KCNQ1OT1: variants seen among roughly 807,000 people sequenced by gnomAD.
KCNQ1OT1 encodes KCNQ1 opposite strand/antisense transcript 1.
chr11:2,613,408 C>T lies in KCNQ1OT1; in HGVS notation n.86587G>A, dbSNP rs572105480. 404 of 398,472 alleles carry T rather than the reference C, an allele frequency of 1.0e-3. No individual in the cohort carries two copies. The highest frequency in any genetic ancestry group is 1.6e-3 in the Non-Finnish European group (357 of 226,038). 24.7% of individuals were successfully genotyped at this position (398,472 alleles called of 1,614,324 possible). ...GCCTCCAATTATTTGCCACTGAAAT[C>T]CTTGTTGCTTAACATAGTGCATAGG... On this transcript the variant is annotated non_coding_transcript_exon_variant, in exon 1 of 1. Transcript: ENST00000597346. The surrounding 1 kb of genome is among the most constrained non-coding windows in gnomAD (Gnocchi z 4.8).
At chr11:2,631,498 T>C in exon 1 of KCNQ1OT1, 1 of 350,082 alleles carries the variant, frequency 2.9e-6, no homozygotes, top group Non-Finnish European at 4.8e-6. Flanking sequence ...TTAGGTTGTC[T>C]CTCTGTTCTC....
rs1403037666 is a variant in KCNQ1OT1 at position 2,626,808 on chromosome 11, G to C, written n.73187C>G. On this transcript the variant is annotated non_coding_transcript_exon_variant, in exon 1 of 1. Transcript: ENST00000597346. The surrounding 1 kb of genome is among the most constrained non-coding windows in gnomAD (Gnocchi z 4.0). ...CTTCAAAAGTGCTGAGATTACAGGT[G>C]TAGGCCATTGTACCTGGCCTGTAGT... 2.8e-5 allele frequency: 11 copies of C among 398,618 alleles called. No homozygotes were observed. The highest frequency in any genetic ancestry group is 6.3e-4 in the Middle Eastern group (1 of 1,588). The allele number at this position is 398,618 out of a possible 1,614,324, so 24.7% of individuals were successfully genotyped here. A position where few individuals can be genotyped will look rare whatever the true frequency, so the allele number is the denominator to read the frequency against.
chr11:2,666,539 CTAA>C (rs1850071511), exon 1 of KCNQ1OT1: 1 of 398,686 alleles, frequency 2.5e-6, no homozygotes. Flanking sequence ...CACATCACTA[CTAA>C]TGTCTCCTGA....
chr11:2,623,655 A>T lies in KCNQ1OT1; in HGVS notation n.76340T>A. The T allele has an allele frequency of 2.5e-6, 1 of 398,498 alleles. No homozygotes were observed. Among genetic ancestry groups the T allele is most frequent in the Non-Finnish European group, 4.4e-6 (1 of 226,022 alleles). 24.7% of individuals were successfully genotyped at this position (398,498 alleles called of 1,614,324 possible). A position where few individuals can be genotyped will look rare whatever the true frequency, so the allele number is the denominator to read the frequency against. On this transcript the variant is annotated non_coding_transcript_exon_variant, in exon 1 of 1. Coordinates refer to ENST00000597346, the Ensembl canonical transcript of KCNQ1OT1. The surrounding 1 kb of genome is among the most constrained non-coding windows in gnomAD (Gnocchi z 5.2). ...TCATTGCCTGGATGTACTACAGTTT[A>T]TCTGTCTACTCACCTATGGAAGGAC... is the stretch of plus-strand genomic sequence containing the variant.
exon 1 of KCNQ1OT1, chr11:2,662,659 C>T (rs1412755001): frequency 1.5e-5 from 6 of 406,566 alleles, no homozygotes; most frequent in African/African-American, 2.1e-5. Context: ...TCCCCTGCGA[C>T]ATGTGACTCC....
At chr11:2,686,637 G>A (rs1425264813) in exon 1 of KCNQ1OT1, 4 of 398,548 alleles carry the variant, frequency 1.0e-5, no homozygotes, top group African/African-American at 8.2e-5. Context: ...TCAGGCCCAG[G>A]CTGCACAGAG....
At chr11:2,638,076 G>T (rs1306497175) in exon 1 of KCNQ1OT1, 1 of 152,130 alleles carries the variant, frequency 6.6e-6, no homozygotes, top group African/African-American at 2.4e-5. Flanking sequence ...GTGTGTCTCT[G>T]CACGTGAGAT....
At chr11:2,610,716 C>CTTTT (rs1167505141) in exon 1 of KCNQ1OT1, 62 of 230,110 alleles carry the variant, frequency 2.7e-4, no homozygotes, top group African/African-American at 1.3e-3. Flanking sequence ...TCTTGGTTGG[C>CTTTT]TTTTTTTTTT....
rs1158216764 is a variant in KCNQ1OT1 at position 2,674,500 on chromosome 11, T to G, written n.25495A>C. 1 of 398,490 alleles carries G rather than the reference T, an allele frequency of 2.5e-6. No individual in the cohort carries two copies. The highest frequency in any genetic ancestry group is 2.1e-5 in the African/African-American group (1 of 48,622). 24.7% of individuals were successfully genotyped at this position (398,490 alleles called of 1,614,324 possible). A position where few individuals can be genotyped will look rare whatever the true frequency, so the allele number is the denominator to read the frequency against. On this transcript the variant is annotated non_coding_transcript_exon_variant, in exon 1 of 1. Transcript: ENST00000597346. The surrounding 1 kb of genome is among the most constrained non-coding windows in gnomAD (Gnocchi z 5.9). ...ATGTGTAAGATGGCCCCAGTGTTAC[T>G]AGGCACTAGATGGCACTTGCAAAGC...
chr11:2,649,866 A>C, exon 1 of KCNQ1OT1: 1 of 398,362 alleles, frequency 2.5e-6, no homozygotes, highest in East Asian at 3.6e-5. Context: ...TTCAGGTATT[A>C]TCTTCTTAAA....
chr11:2,685,406 G>A (rs573151151), exon 1 of KCNQ1OT1: 1 of 398,556 alleles, frequency 2.5e-6, no homozygotes, highest in South Asian at 1.3e-4. Flanking sequence ...TGTTTCCATG[G>A]GTCTCCTTCA....
At chr11:2,639,540 A>G (rs1330919130) in exon 1 of KCNQ1OT1, 2 of 152,598 alleles carry the variant, frequency 1.3e-5, no homozygotes, top group African/African-American at 4.8e-5. Context: ...ACTGCTGAAC[A>G]CCAAATGTTG....
rs747187696 is a variant in KCNQ1OT1, at chr11:2,661,948, A to C, written n.38047T>G. ...GGGAGGCCTAACGTGCTGTCCCCAC[A>C]CTTTCTCCTCAGTAAGGAAGAGCCC... is the stretch of plus-strand genomic sequence containing the variant. On this transcript the variant is annotated non_coding_transcript_exon_variant, in exon 1 of 1. Transcript: ENST00000597346. This position sits in a 1 kb window ranked among gnomAD's most constrained non-coding sequence, Gnocchi z 5.9. 1 of 1,614,118 alleles carries C rather than the reference A, an allele frequency of 6.2e-7. No homozygotes were observed. The highest frequency in any genetic ancestry group is 1.1e-5 in the South Asian group (1 of 91,080).
rs569421247 is a variant in KCNQ1OT1, at chr11:2,612,529, C to T, written n.87466G>A. The T allele has an allele frequency of 7.0e-5, 28 of 398,544 alleles. No homozygotes were observed. Among genetic ancestry groups the T allele is most frequent in the African/African-American group, 1.0e-4 (5 of 48,742 alleles). 24.7% of individuals were successfully genotyped at this position (398,544 alleles called of 1,614,324 possible). A position where few individuals can be genotyped will look rare whatever the true frequency, so the allele number is the denominator to read the frequency against. ...TTCTGCCAGGTCAAATTTGCTTAGC[C>T]GCACTAGTGAGTTTTTCACCTAAGT... On this transcript the variant is annotated non_coding_transcript_exon_variant, in exon 1 of 1. Coordinates refer to ENST00000597346, the Ensembl canonical transcript of KCNQ1OT1. The surrounding 1 kb of genome is among the most constrained non-coding windows in gnomAD (Gnocchi z 5.5).
At chr11:2,632,970 T>A (rs1008921399) in exon 1 of KCNQ1OT1, 1 of 398,396 alleles carries the variant, frequency 2.5e-6, no homozygotes, top group East Asian at 3.6e-5. Context: ...TAGTCTACTT[T>A]TAGTTTTTTT....
At chr11:2,632,349 A>G (rs1849373487) in exon 1 of KCNQ1OT1, 1 of 398,322 alleles carries the variant, frequency 2.5e-6, no homozygotes, top group Non-Finnish European at 4.4e-6. Flanking sequence ...TCCTTTCTAA[A>G]TGATGCCTTT....
rs986280324 is a variant in KCNQ1OT1, at chr11:2,668,975, A to G, written n.31020T>C. Reference sequence around the variant, plus strand: ...CATCTGGGATTGATTTTTGTGTCCAATGTGAGGCCGAGGTCAAGGTCCACT... The same window carrying G: ...CATCTGGGATTGATTTTTGTGTCCAGTGTGAGGCCGAGGTCAAGGTCCACT... On this transcript the variant is annotated non_coding_transcript_exon_variant, in exon 1 of 1. Transcript: ENST00000597346. This position sits in a 1 kb window ranked among gnomAD's most constrained non-coding sequence, Gnocchi z 4.3. 1 of 398,396 alleles carries G rather than the reference A, an allele frequency of 2.5e-6. No individual in the cohort carries two copies. The highest frequency in any genetic ancestry group is 2.1e-5 in the African/African-American group (1 of 48,580). 24.7% of individuals were successfully genotyped at this position (398,396 alleles called of 1,614,324 possible).
chr11:2,641,035 T>C (rs4930004), exon 1 of KCNQ1OT1: 286,250 of 398,316 alleles, frequency 0.72, 104,269 homozygotes, highest in East Asian at 0.87. Context: ...ATTGTATATA[T>C]TTACCTCATT....
Position 2,690,216 on chromosome 11 carries a change from C to T in KCNQ1OT1, n.9779G>A, listed in dbSNP as rs879903641. 2.5e-6 allele frequency: 1 copy of T among 398,752 alleles called. No homozygotes were observed. The highest frequency in any genetic ancestry group is 4.4e-6 in the Non-Finnish European group (1 of 226,154). The allele number at this position is 398,752 out of a possible 1,614,324, so 24.7% of individuals were successfully genotyped here. ...GGGCTAAACTCTGCTGTGTCAAGTG[C>T]CTGGTGACCTCAAGCAAGTCATTCC... On this transcript the variant is annotated non_coding_transcript_exon_variant, in exon 1 of 1. Transcript: ENST00000597346. The surrounding 1 kb of genome is among the most constrained non-coding windows in gnomAD (Gnocchi z 5.1).
Sources: gnomAD v4.1 joint callset for allele counts on GRCh38, gnomAD v4.1.1 for gene constraint, Gnocchi (gnomAD v3.1) non-coding constraint, MANE v1.5 for transcripts, NCBI Gene and HGNC (gene_info 2026-07-23, HGNC 2026-07-21) for gene names.